The following TFB1M variants were observed in gnomAD, a reference collection of about 807,000 sequenced individuals.
TFB1M encodes the protein transcription factor B1, mitochondrial.
In TFB1M, 27 loss-of-function variants were observed where a neutral mutation model predicts 31.1. The ratio of observed to expected loss-of-function variants is 0.87; its 90% CI spans 0.64 to 1.20. TFB1M has a LOEUF of 1.20. Among genes scored for constraint, TFB1M ranks in the 50% most tolerant of loss-of-function variants. TFB1M has a pLI of 0.00. For synonymous variants in TFB1M, 166 were observed against 151.8 expected (o/e 1.09, Z -0.69); for missense variants, 394 against 418.7 (o/e 0.94, Z 0.51).
intron 5 of TFB1M, among the ~76,000 whole-genome samples, chr6:155,276,740 C>G (rs943039211): frequency 9.2e-5 from 14 of 152,156 alleles, no homozygotes; most frequent in African/African-American, 3.1e-4. Context: ...AAGTACCTTG[C>G]CCTGGTGTTA....
intron 5 of TFB1M, among the ~76,000 whole-genome samples, chr6:155,273,776 T>C (rs750780603): frequency 9.2e-5 from 14 of 152,150 alleles, no homozygotes; most frequent in Admixed American, 9.2e-4. Flanking sequence ...GAAGACTGTA[T>C]GACATGGGGT....
At chr6:155,265,422 G>A (rs1784584688) in intron 5 of TFB1M, among the ~76,000 whole-genome samples, 2 of 152,100 alleles carry the variant, frequency 1.3e-5, no homozygotes, top group African/African-American at 2.4e-5. Flanking sequence ...ATTATCAAAC[G>A]GACTAGACAT....
At position 155,256,711 on chromosome 6, in the gene TFB1M, G is replaced by T. The variant is rs1784060634; in HGVS notation, c.*1125C>A. 10 of 1,614,222 alleles carry T rather than the reference G, an allele frequency of 6.2e-6. No individual in the cohort carries two copies. Among genetic ancestry groups the T allele is most frequent in the Non-Finnish European group, 8.5e-6 (10 of 1,180,042 alleles). The stretch of plus-strand genomic sequence containing the variant: ...TGCCGACAATCTCATCAAAGAGAGT[G>T]ACATCCTGAGCGATGAAGATGATGA... On this transcript the variant is annotated 3_prime_UTR_variant, in exon 7 of 7. Transcript: ENST00000367166.
Position 155,257,358 on chromosome 6 carries a change from G to C in TFB1M, c.*478C>G, listed in dbSNP as rs924858528. On this transcript the variant is annotated 3_prime_UTR_variant, in exon 7 of 7. Transcript: ENST00000367166. The stretch of plus-strand genomic sequence containing the variant: ...CTTAGTTTATATCCACTTTGAGCAG[G>C]TATCAAATGATTTAGGATCCTTAAA... 2.0e-6 allele frequency: 1 copy of C among 499,912 alleles called. No homozygotes were observed. The highest frequency in any genetic ancestry group is 2.4e-5 in the South Asian group (1 of 41,512). The allele number at this position is 499,912 out of a possible 1,614,324, so 31.0% of individuals were successfully genotyped here.
At chr6:155,236,272 C>A in the TFB1M span, among the ~76,000 whole-genome samples, 1 of 151,822 alleles carries the variant, frequency 6.6e-6, no homozygotes, top group Non-Finnish European at 1.5e-5. Context: ...CAGCACCACT[C>A]CCAGAAATCC....
chr6:155,278,280 G>T (rs934769064), intron 5 of TFB1M, among the ~76,000 whole-genome samples: 1 of 152,176 alleles, frequency 6.6e-6, no homozygotes, highest in East Asian at 1.9e-4. Context: ...GTTCAAGCCC[G>T]CATCTGCACT....
Position 155,276,693 on chromosome 6 carries a change from CTG to C in TFB1M, c.666+8463_666+8464del, listed in dbSNP as rs543332655. 48 of 244,578 alleles carry C rather than the reference CTG, an allele frequency of 2.0e-4. No homozygotes were observed. In the East Asian group the frequency reaches 4.7e-3, roughly 24 times the overall value. The allele number at this position is 244,578 out of a possible 1,614,324, so 15.2% of individuals were successfully genotyped here. ...ATAATTTGCTGATACACCTTTCAAA[CTG>C]GATTTTATAAAAGAACTAAACTGCC... On this transcript the variant is annotated intron_variant, in intron 5 of 6. Transcript: ENST00000367166.
chr6:155,254,029 C>A, downstream of TFB1M: 4 of 1,614,058 alleles, frequency 2.5e-6, no homozygotes, highest in South Asian at 1.1e-5. Context: ...AATAGAAGGA[C>A]GGCCAGAAAC....
At chr6:155,246,014 A>G in the TFB1M span, among the ~76,000 whole-genome samples, 173 of 151,926 alleles carry the variant, frequency 1.1e-3, 1 homozygote, top group African/African-American at 3.9e-3. Context: ...TCCTTTCTCT[A>G]AAAACTTGCA....
intron 4 of TFB1M, among the ~76,000 whole-genome samples, chr6:155,294,251 A>T (rs2114769053): frequency 6.6e-6 from 1 of 152,362 alleles, no homozygotes; most frequent in South Asian, 2.1e-4. Context: ...AAGCTTCTAG[A>T]AGATAACAGA....
chr6:155,294,387 C>A (rs1562414743), intron 4 of TFB1M, among the ~76,000 whole-genome samples: 1 of 152,028 alleles, frequency 6.6e-6, no homozygotes, highest in Admixed American at 6.5e-5. Flanking sequence ...TAACAACATG[C>A]AATAGAGTAG....
chr6:155,231,920 A>C, the TFB1M span, among the ~76,000 whole-genome samples: 1 of 152,228 alleles, frequency 6.6e-6, no homozygotes, highest in East Asian at 1.9e-4. Flanking sequence ...GTCTCTACTA[A>C]AAATACAAAG....
At chr6:155,297,460 C>G (rs1777228599) in intron 3 of TFB1M, among the ~76,000 whole-genome samples, 1 of 152,084 alleles carries the variant, frequency 6.6e-6, no homozygotes, top group Admixed American at 6.5e-5. Context: ...TGTCAGAGGT[C>G]AGATGCCCAG....
At chr6:155,245,789 A>G in the TFB1M span, 1 of 1,126,318 alleles carries the variant, frequency 8.9e-7, no homozygotes, top group African/African-American at 1.7e-5. Context: ...AACTGTTAGT[A>G]AAGGGTAAAT....
chr6:155,311,713 A>G (rs982755251), intron 1 of TFB1M, among the ~76,000 whole-genome samples: 4 of 152,238 alleles, frequency 2.6e-5, no homozygotes, highest in Non-Finnish European at 5.9e-5. Flanking sequence ...ATAGTTATTG[A>G]ACATTGAATA....
intron 4 of TFB1M, among the ~76,000 whole-genome samples, chr6:155,287,582 G>GTGTGTGTGTGTGTA (rs532523784): frequency 6.6e-6 from 1 of 151,084 alleles, no homozygotes; most frequent in Non-Finnish European, 1.5e-5. Context: ...GTGTATGTGT[G>GTGTGTGTGTGTGTA]TGTGGTGTAT....
intron 6 of TFB1M, among the ~76,000 whole-genome samples, chr6:155,258,284 G>A (rs570714416): frequency 1.3e-5 from 2 of 152,294 alleles, no homozygotes; most frequent in South Asian, 4.1e-4. Context: ...CCTGAGGCGC[G>A]AGGCAAGCAC....
At chr6:155,247,232 C>T in the TFB1M span, among the ~76,000 whole-genome samples, 1 of 152,216 alleles carries the variant, frequency 6.6e-6, no homozygotes, top group African/African-American at 2.4e-5. Flanking sequence ...TAAGCAACAA[C>T]TAGAGTGAGG....
At chr6:155,285,037 A>G in intron 5 of TFB1M, 121 bp downstream of exon 5, 1 of 1,291,098 alleles carries the variant, frequency 7.7e-7, no homozygotes, top group East Asian at 2.4e-5. Flanking sequence ...TCAGAAGTAA[A>G]GTACAGTGTC....
Sources: allele counts gnomAD v4.1 joint callset (sites outside exome capture counted in the v4.1 genomes callset), GRCh38; gene constraint gnomAD v4.1.1; transcripts MANE v1.5; gene names NCBI Gene and HGNC (gene_info 2026-07-23, HGNC 2026-07-21).